NELL1: variants seen among roughly 807,000 people sequenced by gnomAD.
The protein encoded by NELL1 is protein kinase C-binding protein NELL1.
In NELL1, 76 loss-of-function variants were observed where a neutral mutation model predicts 107.4. The observed-to-expected ratio is 0.71, with a 90% CI of 0.59 to 0.86. The LOEUF (loss-of-function observed/expected upper bound fraction) is 0.86, where lower values mean the gene tolerates loss of function less well. Ranked by LOEUF, NELL1 falls within the 40% of genes least tolerant of loss-of-function variation. The pLI, the probability that NELL1 is intolerant of heterozygous loss-of-function variation, is 0.00. For synonymous variants in NELL1, 353 were observed against 341.2 expected (o/e 1.03, Z -0.38); for missense variants, 1,024 against 1,005.5 (o/e 1.02, Z -0.25).
At position 20,937,846 on chromosome 11, in the gene NELL1, G is replaced by T. The variant is rs551356049; in HGVS notation, c.1058G>T (p.Cys353Phe). Residue 353 changes from cysteine (C) to phenylalanine (F), a missense_variant, in exon 10 of 20, where the codon TGT becomes TTT. Cys to Phe is a radical substitution (Grantham distance 205, BLOSUM62 -2). Coordinates refer to ENST00000357134, the MANE Select transcript of NELL1 (RefSeq NM_006157.5). Reference protein sequence around the residue: ...AEGQRILTKSCRECRGGVLVK... With the variant: ...AEGQRILTKSFRECRGGVLVK... ...GGCCAGCGGATTTTAACCAAGAGCTGTCGGGAATGCCGAGTAAGTGTTAAT... is the reference window on the plus strand; with the variant it reads ...GGCCAGCGGATTTTAACCAAGAGCTTTCGGGAATGCCGAGTAAGTGTTAAT... The T allele has an allele frequency of 1.2e-6, 2 of 1,614,062 alleles. No homozygotes were observed. Among genetic ancestry groups the T allele is most frequent in the East Asian group, 2.2e-5 (1 of 44,876 alleles).
At chr11:21,106,442 C>T (rs1372477545) in intron 12 of NELL1, among the ~76,000 whole-genome samples, 2 of 152,146 alleles carry the variant, frequency 1.3e-5, no homozygotes, top group Admixed American at 6.6e-5. Context: ...TCTTATCACA[C>T]CTTCCTGGTA....
chr11:20,845,428 C>G (rs1848686582), intron 3 of NELL1, among the ~76,000 whole-genome samples: 1 of 152,134 alleles, frequency 6.6e-6, no homozygotes, highest in South Asian at 2.1e-4. Flanking sequence ...CAGCAGGTGA[C>G]TTCTGTGAGT....
chr11:21,498,494 A>AT lies in NELL1; in HGVS notation c.1646-35873dup, dbSNP rs79172164. ...TATTGATACATACATAGTTCTGATAATTTTTTTAAGTACTATATAGTATTC... is the reference window on the plus strand; with the variant it reads ...TATTGATACATACATAGTTCTGATAATTTTTTTTAAGTACTATATAGTATTC... On this transcript the variant is annotated intron_variant, in intron 15 of 19. Coordinates refer to ENST00000357134, the MANE Select transcript of NELL1 (RefSeq NM_006157.5). 0.016 allele frequency among the ~76,000 whole-genome samples: 2,387 copies of AT among 151,380 alleles called. 190 individuals carry two copies. The East Asian group carries it at 0.26, about 16-fold the overall frequency.
intron 4 of NELL1, among the ~76,000 whole-genome samples, chr11:20,872,503 C>T (rs10766736): frequency 0.61 from 92,309 of 151,994 alleles, 30,686 homozygotes; most frequent in Non-Finnish European, 0.75. Flanking sequence ...AGTCTGATTT[C>T]GTGAGGGGCT....
chr11:21,188,107 GA>G (rs1856971833), intron 13 of NELL1, among the ~76,000 whole-genome samples: 1 of 151,792 alleles, frequency 6.6e-6, no homozygotes, highest in Non-Finnish European at 1.5e-5. Context: ...TATAAAAAAA[GA>G]ATTGCATCAT....
intron 9 of NELL1, among the ~76,000 whole-genome samples, chr11:20,936,747 A>G (rs1850734344): frequency 6.6e-6 from 1 of 152,224 alleles, no homozygotes; most frequent in South Asian, 2.1e-4. Context: ...TAGTAACACT[A>G]GAATATTATT....
chr11:21,161,792 G>A (rs1446671710), intron 13 of NELL1, among the ~76,000 whole-genome samples: 1 of 151,698 alleles, frequency 6.6e-6, no homozygotes, highest in African/African-American at 2.4e-5. Context: ...TTTTCACCAA[G>A]TCTGAAAGCT....
intron 13 of NELL1, among the ~76,000 whole-genome samples, chr11:21,144,625 G>A (rs1369346611): frequency 6.6e-6 from 1 of 152,160 alleles, no homozygotes; most frequent in African/African-American, 2.4e-5. Flanking sequence ...TAGGAATGAA[G>A]ACAAGTAGAT....
At chr11:21,367,437 C>G (rs747606935) in intron 14 of NELL1, among the ~76,000 whole-genome samples, 1 of 84,214 alleles carries the variant, frequency 1.2e-5, no homozygotes, top group Non-Finnish European at 2.9e-5. Flanking sequence ...GCAAACCACA[C>G]GATATTACAA....
At chr11:21,559,102 C>A (rs1195924143) in intron 16 of NELL1, among the ~76,000 whole-genome samples, 1 of 152,036 alleles carries the variant, frequency 6.6e-6, no homozygotes, top group Non-Finnish European at 1.5e-5. Context: ...AAAATTAGAT[C>A]TTGGAAAAAA....
At chr11:20,896,636 A>G (rs991648734) in intron 5 of NELL1, among the ~76,000 whole-genome samples, 1 of 152,202 alleles carries the variant, frequency 6.6e-6, no homozygotes, top group Admixed American at 6.5e-5. Flanking sequence ...CTGTTTGCAG[A>G]CGACATGATT....
intron 14 of NELL1, among the ~76,000 whole-genome samples, chr11:21,253,995 G>A (rs1858706701): frequency 6.6e-6 from 1 of 152,090 alleles, no homozygotes; most frequent in South Asian, 2.1e-4. Context: ...GCAGATATGA[G>A]ACAGATAAAC....
intron 12 of NELL1, among the ~76,000 whole-genome samples, chr11:21,065,868 A>T (rs1253704021): frequency 6.6e-6 from 1 of 152,208 alleles, no homozygotes; most frequent in Non-Finnish European, 1.5e-5. Flanking sequence ...ATTTTTAAAG[A>T]TCGAGTTATT....
At chr11:20,822,268 A>C (rs1857772744) in intron 3 of NELL1, among the ~76,000 whole-genome samples, 1 of 152,200 alleles carries the variant, frequency 6.6e-6, no homozygotes, top group Admixed American at 6.5e-5. Flanking sequence ...AAACTGGCAT[A>C]ATCAGGACTC....
intron 2 of NELL1, among the ~76,000 whole-genome samples, chr11:20,700,592 T>C (rs1351979568): frequency 6.6e-6 from 1 of 152,114 alleles, no homozygotes; most frequent in East Asian, 1.9e-4. Flanking sequence ...ATGTGCCATG[T>C]TGGTGTGCGG....
At chr11:21,100,826 C>A (rs1018499060) in intron 12 of NELL1, among the ~76,000 whole-genome samples, 3 of 151,870 alleles carry the variant, frequency 2.0e-5, no homozygotes, top group Non-Finnish European at 4.4e-5. Context: ...TACAATGTTT[C>A]TTTCTTTCTT....
chr11:21,336,672 T>TACACACAC lies in NELL1; in HGVS notation c.1550-34180_1550-34179insCACACACA, dbSNP rs368167297. On this transcript the variant is annotated intron_variant, in intron 14 of 19. Coordinates refer to ENST00000357134, the MANE Select transcript of NELL1 (RefSeq NM_006157.5). ...GTGTGTATATATATATATATATATA[T>TACACACAC]ATACACACACACACACACATTAAAC... 3.4e-3 allele frequency among the ~76,000 whole-genome samples: 366 copies of TACACACAC among 106,266 alleles called. 3 individuals carry two copies. The highest frequency in any genetic ancestry group is 0.012 in the East Asian group (44 of 3,676). The allele number at this position is 106,266 out of a possible 152,430, so 69.7% of individuals were successfully genotyped here.
intron 15 of NELL1, among the ~76,000 whole-genome samples, chr11:21,501,031 T>C (rs968187407): frequency 1.3e-5 from 2 of 151,896 alleles, no homozygotes; most frequent in African/African-American, 4.8e-5. Context: ...TGGTAGAGAG[T>C]GTGTTTTGTA....
At chr11:21,288,753 T>A (rs566882100) in intron 14 of NELL1, among the ~76,000 whole-genome samples, 1 of 152,220 alleles carries the variant, frequency 6.6e-6, no homozygotes, top group African/African-American at 2.4e-5. Context: ...TTATTTGTCA[T>A]GATTATGTAG....
Sources: allele counts gnomAD v4.1 joint callset (sites outside exome capture counted in the v4.1 genomes callset), GRCh38; gene constraint gnomAD v4.1.1; transcripts MANE v1.5; gene names NCBI Gene and HGNC (gene_info 2026-07-23, HGNC 2026-07-21).